PSD3: variants seen among roughly 807,000 people sequenced by gnomAD.
The protein encoded by PSD3 is pleckstrin and Sec7 domain containing 3.
In PSD3, 49 loss-of-function variants were observed where a neutral mutation model predicts 105.5. That is an observed-to-expected ratio of 0.46 (90% CI 0.37 to 0.59). The LOEUF (loss-of-function observed/expected upper bound fraction) is 0.59, where lower values mean the gene tolerates loss of function less well. Among genes scored for constraint, PSD3 ranks in the 20% least tolerant of loss-of-function variants. The probability of loss-of-function intolerance (pLI) is 0.00; values close to 1 mark genes in which losing one functional copy is unlikely to be tolerated. For missense variants in PSD3, 1,561 were observed against 1,263.8 expected, an observed-to-expected ratio of 1.24 and a Z score of -3.57; for synonymous variants, 557 against 457.8, an observed-to-expected ratio of 1.22 and a Z score of -2.77.
At chr8:18,992,989 T>C (rs770616651) in intron 1 of PSD3, among the ~76,000 whole-genome samples, 7 of 152,302 alleles carry the variant, frequency 4.6e-5, no homozygotes, top group East Asian at 3.9e-4. Context: ...AAATCAGAAA[T>C]AGACACCTCA....
chr8:18,557,289 G>A (rs1801140403), intron 14 of PSD3, among the ~76,000 whole-genome samples: 1 of 152,154 alleles, frequency 6.6e-6, no homozygotes, highest in South Asian at 2.1e-4. Flanking sequence ...GGTGATAAAT[G>A]TATTTTATAT....
chr8:18,689,808 T>C (rs910250966), intron 9 of PSD3, among the ~76,000 whole-genome samples: 2 of 152,158 alleles, frequency 1.3e-5, no homozygotes, highest in Non-Finnish European at 2.9e-5. Flanking sequence ...TGATTAATTG[T>C]TTCCTAGACT....
chr8:18,918,909 A>G (rs537349285), intron 2 of PSD3, among the ~76,000 whole-genome samples: 1 of 152,198 alleles, frequency 6.6e-6, no homozygotes, highest in South Asian at 2.1e-4. Flanking sequence ...GGGGAAGACT[A>G]TCTGGTCTTG....
At chr8:18,641,655 G>T (rs909284395) in intron 10 of PSD3, among the ~76,000 whole-genome samples, 7 of 152,182 alleles carry the variant, frequency 4.6e-5, no homozygotes, top group Admixed American at 3.9e-4. Context: ...GTACACTTAA[G>T]TGGGTGAATT....
At chr8:19,012,645 G>T (rs940562488) in intron 1 of PSD3, among the ~76,000 whole-genome samples, 1 of 152,206 alleles carries the variant, frequency 6.6e-6, no homozygotes, top group Non-Finnish European at 1.5e-5. Context: ...CACGCTTCTT[G>T]AAAGCAGAAA....
At chr8:18,820,419 A>G (rs930522785) in intron 4 of PSD3, among the ~76,000 whole-genome samples, 18 of 151,984 alleles carry the variant, frequency 1.2e-4, no homozygotes, top group Non-Finnish European at 2.5e-4. Context: ...GTTCTAGAAC[A>G]CTCCCCTACA....
chr8:18,636,184 T>C (rs1337907054), intron 10 of PSD3, among the ~76,000 whole-genome samples: 1 of 152,222 alleles, frequency 6.6e-6, no homozygotes, highest in African/African-American at 2.4e-5. Context: ...TGTGTGGCCC[T>C]AAGCCAGCGT....
intron 1 of PSD3, among the ~76,000 whole-genome samples, chr8:19,008,155 T>C (rs1390859904): frequency 1.3e-5 from 2 of 152,208 alleles, no homozygotes; most frequent in Non-Finnish European, 2.9e-5. Flanking sequence ...AGGGAGATTT[T>C]TATAGGGAGA....
At chr8:18,743,959 TCACCACCACCACCAC>T (rs111311023) in intron 9 of PSD3, among the ~76,000 whole-genome samples, 2 of 138,866 alleles carry the variant, frequency 1.4e-5, no homozygotes, top group Middle Eastern at 3.5e-3. Context: ...ACTCTGTCTC[TCACCACCACCACCAC>T]CACCACCACC....
chr8:19,024,598 T>C (rs1827478732), intron 1 of PSD3, among the ~76,000 whole-genome samples: 1 of 152,142 alleles, frequency 6.6e-6, no homozygotes, highest in South Asian at 2.1e-4. Flanking sequence ...GTTAATGAGG[T>C]GACTTAGGAT....
chr8:18,780,679 G>A (rs1463609562), intron 8 of PSD3, among the ~76,000 whole-genome samples: 1 of 152,046 alleles, frequency 6.6e-6, no homozygotes, highest in Non-Finnish European at 1.5e-5. Flanking sequence ...TCAGCCTCCT[G>A]AGTAGCTGGG....
chr8:18,676,298 T>C (rs1426724205), intron 9 of PSD3, among the ~76,000 whole-genome samples: 1 of 152,118 alleles, frequency 6.6e-6, no homozygotes, highest in Non-Finnish European at 1.5e-5. Flanking sequence ...AGTCTACTCA[T>C]AAATGGAGGG....
intron 9 of PSD3, among the ~76,000 whole-genome samples, chr8:18,744,835 C>T (rs1804876033): frequency 6.6e-6 from 1 of 152,176 alleles, no homozygotes; most frequent in African/African-American, 2.4e-5. Context: ...CCCACAAGGC[C>T]TTCAGTTACT....
chr8:18,727,884 A>G (rs1338783668), intron 9 of PSD3, among the ~76,000 whole-genome samples: 2 of 152,190 alleles, frequency 1.3e-5, no homozygotes, highest in Admixed American at 1.3e-4. Context: ...TTGCCCTACT[A>G]GTCTACTAAG....
Position 18,865,245 on chromosome 8 carries a change from TA to T in PSD3, c.1634+2428del, listed in dbSNP as rs1816755944. ...TATGTTATATATATATATATATATA[TA>T]TATATATATATATATATATATATAT... On this transcript the variant is annotated intron_variant, in intron 4 of 15. Coordinates refer to ENST00000327040, the MANE Select transcript of PSD3 (RefSeq NM_015310.4). The T allele has an allele frequency of 4.6e-3, 8 of 1,748 alleles. 1 individual carries two copies. The highest frequency in any genetic ancestry group is 0.022 in the South Asian group (1 of 46). 0.1% of individuals were successfully genotyped at this position (1,748 alleles called of 1,614,324 possible).
At chr8:19,042,088 A>G (rs1828143358) in intron 1 of PSD3, among the ~76,000 whole-genome samples, 1 of 152,222 alleles carries the variant, frequency 6.6e-6, no homozygotes, top group Non-Finnish European at 1.5e-5. Flanking sequence ...GTATGTGTTT[A>G]TATGGGAACA....
intron 1 of PSD3, among the ~76,000 whole-genome samples, chr8:19,023,843 C>A (rs1827448872): frequency 6.6e-6 from 1 of 152,198 alleles, no homozygotes; most frequent in Non-Finnish European, 1.5e-5. Context: ...GGATAAACGA[C>A]AAATGAAAGT....
At chr8:18,614,349 C>CCA (rs1491150734) in intron 11 of PSD3, among the ~76,000 whole-genome samples, 4 of 149,576 alleles carry the variant, frequency 2.7e-5, no homozygotes, top group African/African-American at 9.9e-5. Context: ...ATCCCCCCCC[C>CCA]AAAAAAATCA....
chr8:18,859,551 G>T (rs1816277706), intron 4 of PSD3, among the ~76,000 whole-genome samples: 1 of 152,192 alleles, frequency 6.6e-6, no homozygotes, highest in Admixed American at 6.5e-5. Context: ...ATGGCTATTT[G>T]GTTTACAGTG....
Sources: allele counts gnomAD v4.1 joint callset (sites outside exome capture counted in the v4.1 genomes callset), GRCh38; gene constraint gnomAD v4.1.1; transcripts MANE v1.5; gene names NCBI Gene and HGNC (gene_info 2026-07-23, HGNC 2026-07-21).